ABL2: variants seen among roughly 807,000 people sequenced by gnomAD.
The protein encoded by ABL2 is ABL proto-oncogene 2, non-receptor tyrosine kinase.
A neutral mutation model predicts 107.7 loss-of-function variants in ABL2; 49 were observed. That is an observed-to-expected ratio of 0.45 (90% CI 0.36 to 0.58). The LOEUF (loss-of-function observed/expected upper bound fraction) is 0.58, where lower values mean the gene tolerates loss of function less well. Among genes scored for constraint, ABL2 ranks in the 20% least tolerant of loss-of-function variants. ABL2 has a pLI of 0.00. For missense variants in ABL2, 1,245 were observed against 1,457.0 expected, an observed-to-expected ratio of 0.85 and a Z score of 2.37; for synonymous variants, 549 against 548.6, an observed-to-expected ratio of 1.00 and a Z score of -0.01.
At chr1:179,136,741 T>TAAATAAATA (rs1357000019) in intron 1 of ABL2, among the ~76,000 whole-genome samples, 4 of 124,312 alleles carry the variant, frequency 3.2e-5, no homozygotes, top group Admixed American at 1.6e-4. Flanking sequence ...AATAAATAAA[T>TAAATAAATA]AAAAATAAAA....
chr1:179,173,597 A>AC (rs1172873675), intron 1 of ABL2, among the ~76,000 whole-genome samples: 1 of 152,022 alleles, frequency 6.6e-6, no homozygotes, highest in Non-Finnish European at 1.5e-5. Context: ...TGATCCGCCC[A>AC]CCTTGGCCTC....
chr1:179,212,889 A>T (rs1662355701), intron 1 of ABL2, among the ~76,000 whole-genome samples: 1 of 150,162 alleles, frequency 6.7e-6, no homozygotes, highest in African/African-American at 2.5e-5. Flanking sequence ...TCTACTAAAA[A>T]TACAAAATTA....
At chr1:179,180,351 A>C (rs1239198846) in intron 1 of ABL2, among the ~76,000 whole-genome samples, 1 of 152,208 alleles carries the variant, frequency 6.6e-6, no homozygotes, top group Non-Finnish European at 1.5e-5. Context: ...GGAAGCAATA[A>C]GATCAGAGTT....
chr1:179,210,711 G>A (rs1050905535), intron 1 of ABL2, among the ~76,000 whole-genome samples: 3 of 151,806 alleles, frequency 2.0e-5, no homozygotes, highest in African/African-American at 7.3e-5. Context: ...AAAATGAGCT[G>A]GGCTTAGTGG....
rs949041033 is a variant in ABL2 at position 179,213,309 on chromosome 1, C to T, written c.157+15932G>A. ...ATTTGTATTTATTTATTTATTTTTA[C>T]GCTTATTTTTATTTTTGTCTTTTTT... On this transcript the variant is annotated intron_variant, in intron 1 of 11. Coordinates refer to ENST00000502732, the MANE Select transcript of ABL2 (RefSeq NM_007314.4). Among the ~76,000 whole-genome samples, 5 of 151,514 alleles carry T rather than the reference C, an allele frequency of 3.3e-5. No homozygotes were observed. The East Asian group carries it at 5.8e-4, about 18-fold the overall frequency.
intron 4 of ABL2, among the ~76,000 whole-genome samples, chr1:179,122,554 C>A (rs1476036614): frequency 6.6e-6 from 1 of 152,022 alleles, no homozygotes; most frequent in African/African-American, 2.4e-5. Flanking sequence ...CTTCCAAGAT[C>A]TCTCTCTGGA....
intron 1 of ABL2, among the ~76,000 whole-genome samples, chr1:179,228,471 C>A (rs1426051367): frequency 6.6e-6 from 1 of 152,134 alleles, no homozygotes; most frequent in Non-Finnish European, 1.5e-5. Flanking sequence ...AGCATACATA[C>A]ATGTATGTAT....
intron 1 of ABL2, among the ~76,000 whole-genome samples, chr1:179,202,475 T>C (rs1485771372): frequency 6.6e-6 from 1 of 152,100 alleles, no homozygotes; most frequent in Non-Finnish European, 1.5e-5. Flanking sequence ...ACAGGTCACA[T>C]AAAAAAATTA....
intron 1 of ABL2, among the ~76,000 whole-genome samples, chr1:179,217,541 G>A (rs990609313): frequency 3.3e-5 from 5 of 150,994 alleles, no homozygotes; most frequent in South Asian, 2.1e-4. Flanking sequence ...CAGGAGAACC[G>A]TTTGAACCCA....
At chr1:179,153,477 A>G (rs923240965) in intron 1 of ABL2, among the ~76,000 whole-genome samples, 1 of 152,178 alleles carries the variant, frequency 6.6e-6, no homozygotes, top group Non-Finnish European at 1.5e-5. Flanking sequence ...TCCAGCTTCT[A>G]GTGGCTGCCA....
At chr1:179,216,601 G>A (rs563010889) in intron 1 of ABL2, among the ~76,000 whole-genome samples, 1 of 152,258 alleles carries the variant, frequency 6.6e-6, no homozygotes, top group South Asian at 2.1e-4. Context: ...AAAATGCTCT[G>A]GAGTGTTAAG....
intron 8 of ABL2, 78 bp from the exon 9 acceptor site, chr1:179,115,108 A>G: frequency 1.4e-6 from 2 of 1,397,930 alleles, no homozygotes; most frequent in Non-Finnish European, 1.9e-6. Context: ...ATTCTCTTTC[A>G]TATTTTAGGT....
At chr1:179,212,852 G>A (rs1317350465) in intron 1 of ABL2, among the ~76,000 whole-genome samples, 1 of 151,660 alleles carries the variant, frequency 6.6e-6, no homozygotes, top group Non-Finnish European at 1.5e-5. Flanking sequence ...CTCAAGACCA[G>A]CCTGACCAAC....
At chr1:179,209,751 TACTC>T (rs1002488457) in intron 1 of ABL2, among the ~76,000 whole-genome samples, 1 of 152,092 alleles carries the variant, frequency 6.6e-6, no homozygotes, top group African/African-American at 2.4e-5. Flanking sequence ...CTCATACAAA[TACTC>T]ACTCTCAGGA....
intron 1 of ABL2, among the ~76,000 whole-genome samples, chr1:179,136,709 A>T (rs866749119): frequency 6.4e-5 from 9 of 140,640 alleles, no homozygotes; most frequent in African/African-American, 2.1e-4. Flanking sequence ...TGATCAATAA[A>T]AAATAAATAA....
chr1:179,165,953 G>A (rs576441498), intron 1 of ABL2, among the ~76,000 whole-genome samples: 2 of 151,976 alleles, frequency 1.3e-5, no homozygotes, highest in Admixed American at 6.6e-5. Context: ...ATGCTACCAC[G>A]CCCAGCTAAT....
chr1:179,117,670 A>G (rs1054121915), intron 7 of ABL2, among the ~76,000 whole-genome samples, 154 bp from the exon 8 acceptor site: 4 of 152,246 alleles, frequency 2.6e-5, no homozygotes, highest in Admixed American at 2.6e-4. Context: ...TTAGAAAGCC[A>G]CTAATGATAT....
chr1:179,206,830 A>T (rs1377661473), intron 1 of ABL2, among the ~76,000 whole-genome samples: 1 of 152,226 alleles, frequency 6.6e-6, no homozygotes, highest in Non-Finnish European at 1.5e-5. Context: ...CAGCAGGGAT[A>T]AATGCCGAAA....
At chr1:179,229,210 C>CCCCCCCCCCCCCCCCCCCCCCCCCCA in intron 1 of ABL2, 31 bp downstream of exon 1, 1 of 1,489,018 alleles carries the variant, frequency 6.7e-7, no homozygotes, top group Non-Finnish European at 9.0e-7. Context: ...GCCTCCCCCA[C>CCCCCCCCCCCCCCCCCCCCCCCCCCA]GCTCTCATGC....
Sources: allele counts gnomAD v4.1 joint callset (sites outside exome capture counted in the v4.1 genomes callset), GRCh38; gene constraint gnomAD v4.1.1; transcripts MANE v1.5; gene names NCBI Gene and HGNC (gene_info 2026-07-23, HGNC 2026-07-21).